Variants in DMD observed in about 807,000 individuals in gnomAD.
DMD encodes the protein mutant dystrophin.
A neutral mutation model predicts 330.1 loss-of-function variants in DMD; 63 were observed. That is an observed-to-expected ratio of 0.19 (90% CI 0.16 to 0.24). DMD has a LOEUF of 0.24. Ranked by LOEUF, DMD falls within the 10% of genes least tolerant of loss-of-function variation. The pLI is 1.00. For missense variants in DMD, 3,344 were observed against 2,684.1 expected, an observed-to-expected ratio of 1.25 and a Z score of -5.43; for synonymous variants, 1,223 against 959.8, an observed-to-expected ratio of 1.27 and a Z score of -5.07.
At chrX:31,368,471 G>T (rs1336491887) in intron 60 of DMD, among the ~76,000 whole-genome samples, 1 of 111,607 alleles carries the variant, frequency 9.0e-6, no homozygotes, top group African/African-American at 3.3e-5. Flanking sequence ...GTGGGAGCAG[G>T]AGCAGGTATA....
At chrX:32,820,016 G>A (rs1390102207) in intron 5 of DMD, among the ~76,000 whole-genome samples, 6 of 111,603 alleles carry the variant, frequency 5.4e-5, no homozygotes, top group African/African-American at 2.0e-4. Context: ...CAGTCTTGCA[G>A]TCTCAAGGAT....
rs6631640 is a variant in DMD at position 32,749,701 on chromosome X, G to A, written c.650-50408C>T. On this transcript the variant is annotated intron_variant, in intron 7 of 78. Coordinates refer to ENST00000357033, the MANE Select transcript of DMD (RefSeq NM_004006.3). Reference sequence around the variant, plus strand: ...CCAAGATTTGCTGAAGGCTTTTAGGGTTCCCAGTTGCTATAATCTCTTTAA... The same window carrying A: ...CCAAGATTTGCTGAAGGCTTTTAGGATTCCCAGTTGCTATAATCTCTTTAA... 1.1e-4 allele frequency among the ~76,000 whole-genome samples: 12 copies of A among 112,390 alleles called. No individual in the cohort carries two copies. The East Asian group carries it at 3.1e-3, about 29-fold the overall frequency.
intron 50 of DMD, among the ~76,000 whole-genome samples, chrX:31,799,706 A>T (rs1232327492): frequency 8.9e-6 from 1 of 111,994 alleles, no homozygotes; most frequent in East Asian, 2.8e-4. Context: ...GTCCAAGTCC[A>T]AAGTTTCATC....
chrX:31,323,510 A>C, intron 62 of DMD, 88 bp downstream of exon 62: 1 of 776,689 alleles, frequency 1.3e-6, no homozygotes, highest in Non-Finnish European at 1.9e-6. Context: ...GGCCAGGCTA[A>C]TGTCGCATTT....
chrX:32,905,715 C>T (rs1165591667), intron 2 of DMD, among the ~76,000 whole-genome samples: 3 of 111,851 alleles, frequency 2.7e-5, no homozygotes, highest in African/African-American at 9.7e-5. Context: ...GGGTTGTTGA[C>T]GTATTGCAGA....
At chrX:32,301,222 T>TAAAAAAAAAAAAAAAAAAAAAAAAA (rs56329666) in intron 42 of DMD, among the ~76,000 whole-genome samples, 1 of 74,687 alleles carries the variant, frequency 1.3e-5, no homozygotes, top group Non-Finnish European at 2.6e-5. Context: ...TGCATACATC[T>TAAAAAAAAAAAAAAAAAAAAAAAAA]AAAAAAAAAA....
At chrX:32,309,938 A>G (rs755146208) in intron 42 of DMD, 144 bp downstream of exon 42, 88 of 517,521 alleles carry the variant, frequency 1.7e-4, no homozygotes, top group Non-Finnish European at 2.7e-4. Context: ...TCTGAAGCCA[A>G]CCACACTATC....
chrX:31,428,972 A>C (rs867867976), intron 60 of DMD, among the ~76,000 whole-genome samples: 1 of 110,402 alleles, frequency 9.1e-6, no homozygotes, highest in African/African-American at 3.3e-5. Context: ...ATAAAAAAAA[A>C]CTAGCTGGGC....
At chrX:33,289,120 T>A (rs993203807) in intron 1 of DMD, among the ~76,000 whole-genome samples, 1 of 111,599 alleles carries the variant, frequency 9.0e-6, no homozygotes, top group African/African-American at 3.3e-5. Flanking sequence ...ATTAAAAAAA[T>A]CTTCATTTAA....
In DMD at chrX:32,690,669, G is replaced by C. The variant is rs147975688; in HGVS notation, c.960+7201C>G. On this transcript the variant is annotated intron_variant, in intron 9 of 78. Transcript: ENST00000357033. ...ACATATAGACCAATAGAACAGAATA[G>C]AGCCCAGATATAAATCTACACATAT... 4.9e-3 allele frequency among the ~76,000 whole-genome samples: 545 copies of C among 110,369 alleles called. 3 individuals carry two copies. Among genetic ancestry groups the C allele is most frequent in the Non-Finnish European group, 8.5e-3 (448 of 52,716 alleles).
chrX:33,036,120 A>T (rs754554318), intron 1 of DMD, among the ~76,000 whole-genome samples: 2 of 106,700 alleles, frequency 1.9e-5, no homozygotes, highest in South Asian at 7.4e-4. Flanking sequence ...GATAAAGTTG[A>T]ATAAAGAGAG....
At chrX:33,307,460 G>A (rs2053780397) in intron 1 of DMD, among the ~76,000 whole-genome samples, 1 of 112,305 alleles carries the variant, frequency 8.9e-6, no homozygotes, top group Non-Finnish European at 1.9e-5. Flanking sequence ...GGGAGGCCAA[G>A]GCGGGCGGAT....
chrX:32,292,464 C>T (rs749456984), intron 42 of DMD, among the ~76,000 whole-genome samples: 23 of 107,840 alleles, frequency 2.1e-4, no homozygotes, highest in Admixed American at 1.8e-3. Flanking sequence ...CCCACCACCA[C>T]GCCTGGCTAA....
intron 18 of DMD, among the ~76,000 whole-genome samples, chrX:32,508,055 G>C (rs1031230302): frequency 9.1e-6 from 1 of 110,292 alleles, no homozygotes; most frequent in Non-Finnish European, 1.9e-5. Flanking sequence ...GATGTATTAG[G>C]GATGTTCAAC....
At chrX:32,376,755 T>C (rs2097904787) in intron 34 of DMD, among the ~76,000 whole-genome samples, 1 of 109,660 alleles carries the variant, frequency 9.1e-6, no homozygotes, top group African/African-American at 3.3e-5. Context: ...TAGATCATTG[T>C]GGAAGGGCTT....
At chrX:33,067,168 C>T (rs1418173809) in intron 1 of DMD, among the ~76,000 whole-genome samples, 4 of 111,778 alleles carry the variant, frequency 3.6e-5, no homozygotes, top group Non-Finnish European at 7.5e-5. Context: ...TATACCTACT[C>T]GATCCTACAA....
At chrX:31,512,292 C>A (rs1433260126) in intron 55 of DMD, among the ~76,000 whole-genome samples, 6 of 107,435 alleles carry the variant, frequency 5.6e-5, no homozygotes, top group African/African-American at 2.0e-4. Context: ...GTTGCCTGTT[C>A]ACTCTGATGG....
In DMD at chrX:32,287,777, A is replaced by G. The variant is rs1415161882; in HGVS notation, c.6118-76T>C. On this transcript the variant is annotated intron_variant, in intron 42 of 78. Coordinates refer to ENST00000357033, the MANE Select transcript of DMD (RefSeq NM_004006.3). ...GAAAGAGAAAAATATATATATATATACAAATCCCAAAGGTAGCAAATGGTG... is the reference window on the plus strand; with the variant it reads ...GAAAGAGAAAAATATATATATATATGCAAATCCCAAAGGTAGCAAATGGTG... 7.1e-6 allele frequency: 5 copies of G among 708,070 alleles called. No individual in the cohort carries two copies. The East Asian group carries it at 1.9e-4, about 27-fold the overall frequency. The allele number at this position is 708,070 out of a possible 1,213,427, so 58.4% of individuals were successfully genotyped here.
chrX:32,779,742 T>C (rs1388987477), intron 7 of DMD, among the ~76,000 whole-genome samples: 1 of 101,407 alleles, frequency 9.9e-6, no homozygotes, highest in African/African-American at 3.7e-5. Flanking sequence ...GGGGGAGGGA[T>C]AGCATTAGGA....
Sources: allele counts gnomAD v4.1 joint callset (sites outside exome capture counted in the v4.1 genomes callset), GRCh38; gene constraint gnomAD v4.1.1; transcripts MANE v1.5; gene names NCBI Gene and HGNC (gene_info 2026-07-23, HGNC 2026-07-21).